The following COL28A1 variants were observed in gnomAD, a reference collection of about 807,000 sequenced individuals.
COL28A1 encodes collagen alpha-1(XXVIII) chain.
COL28A1 carries 161 observed loss-of-function variants against 150.2 expected under a neutral mutation model. That is an observed-to-expected ratio of 1.07 (90% CI 0.94 to 1.22). The LOEUF (loss-of-function observed/expected upper bound fraction) is 1.22, where lower values mean the gene tolerates loss of function less well. Among genes scored for constraint, COL28A1 ranks in the 50% most tolerant of loss-of-function variants. COL28A1 has a pLI of 0.00. For synonymous variants in COL28A1, 552 were observed against 469.7 expected (o/e 1.18, Z -2.26); for missense variants, 1,617 against 1,388.3 (o/e 1.16, Z -2.62).
At chr7:7,342,273 T>C in the COL28A1 span, among the ~76,000 whole-genome samples, 1 of 152,106 alleles carries the variant, frequency 6.6e-6, no homozygotes, top group Non-Finnish European at 1.5e-5. Flanking sequence ...ATTTGGTTCG[T>C]ATTAGCATGT....
intron 24 of COL28A1, 23 bp downstream of exon 24, chr7:7,432,609 G>T: frequency 6.2e-7 from 1 of 1,613,102 alleles, no homozygotes; most frequent in Non-Finnish European, 8.5e-7. Context: ...AGGAGGGAGG[G>T]AAGAAAAAAA....
intron 32 of COL28A1, among the ~76,000 whole-genome samples, chr7:7,372,398 A>AAAATAAAT (rs3067784): frequency 0.085 from 11,352 of 133,574 alleles, 569 homozygotes; most frequent in Non-Finnish European, 0.1. Flanking sequence ...ACTCCGTCTC[A>AAAATAAAT]AAATAAATAA....
At chr7:7,404,620 T>A (rs1300846587) in intron 27 of COL28A1, among the ~76,000 whole-genome samples, 1 of 152,064 alleles carries the variant, frequency 6.6e-6, no homozygotes, top group Non-Finnish European at 1.5e-5. Context: ...CCTCCTCCGG[T>A]CTCTGCTCAG....
chr7:7,539,165 T>C (rs1782743503), upstream of COL28A1, among the ~76,000 whole-genome samples: 1 of 152,188 alleles, frequency 6.6e-6, no homozygotes, highest in Non-Finnish European at 1.5e-5. Context: ...TATAAAGGAA[T>C]ACCTAAGGCT....
At chr7:7,438,859 G>C (rs908455532) in intron 21 of COL28A1, among the ~76,000 whole-genome samples, 1 of 152,086 alleles carries the variant, frequency 6.6e-6, no homozygotes, top group Non-Finnish European at 1.5e-5. Context: ...AGCTATGAAC[G>C]GCTTTCACAT....
At chr7:7,406,515 A>C (rs1783500345) in intron 27 of COL28A1, among the ~76,000 whole-genome samples, 1 of 152,202 alleles carries the variant, frequency 6.6e-6, no homozygotes, top group Admixed American at 6.5e-5. Flanking sequence ...ATCAACAAAG[A>C]AAGAAATATT....
intron 27 of COL28A1, among the ~76,000 whole-genome samples, chr7:7,410,426 G>A (rs142315368): frequency 1.3e-5 from 2 of 152,090 alleles, no homozygotes; most frequent in South Asian, 2.1e-4. Flanking sequence ...ATGTGGTCTC[G>A]ACTCCTCCTT....
rs1188469222 is a variant in COL28A1 at position 7,472,974 on chromosome 7, T to C, written c.1302+1627A>G. On this transcript the variant is annotated intron_variant, in intron 15 of 34. Transcript: ENST00000399429. ...TTCAGCTGGAATAATTGGCAAGCCA[T>C]ATGTAGAAGAATAAAACCGGATCCT... 9.2e-5 allele frequency among the ~76,000 whole-genome samples: 14 copies of C among 152,116 alleles called. No homozygotes were observed. The East Asian group carries it at 2.7e-3, about 29-fold the overall frequency.
intron 5 of COL28A1, among the ~76,000 whole-genome samples, chr7:7,521,472 C>T (rs1408215027): frequency 1.3e-5 from 2 of 152,220 alleles, no homozygotes; most frequent in African/African-American, 2.4e-5. Flanking sequence ...TGAGGCCACA[C>T]GGTGTTGCTG....
chr7:7,513,767 A>G (rs1229220814), intron 8 of COL28A1, among the ~76,000 whole-genome samples: 8 of 152,242 alleles, frequency 5.3e-5, no homozygotes, highest in Non-Finnish European at 1.0e-4. Flanking sequence ...TGTTAGCTAT[A>G]GGGGCCTGAG....
intron 16 of COL28A1, among the ~76,000 whole-genome samples, chr7:7,454,440 G>C (rs1301486844): frequency 1.3e-5 from 2 of 152,134 alleles, no homozygotes; most frequent in African/African-American, 4.8e-5. Context: ...TACAAATAGA[G>C]ATCTCATTTC....
upstream of COL28A1, among the ~76,000 whole-genome samples, chr7:7,538,642 G>T (rs1031217749): frequency 2.6e-5 from 4 of 152,032 alleles, no homozygotes; most frequent in African/African-American, 9.7e-5. Flanking sequence ...CAGTGGTGAT[G>T]ATATTTTGGG....
chr7:7,507,314 A>T (rs879066223), intron 9 of COL28A1, among the ~76,000 whole-genome samples, 153 bp from the exon 10 acceptor site: 1 of 152,224 alleles, frequency 6.6e-6, no homozygotes, highest in South Asian at 2.1e-4. Context: ...ATCCTAATTA[A>T]CAAGCCAAGG....
At chr7:7,438,601 C>G (rs1785521232) in intron 21 of COL28A1, among the ~76,000 whole-genome samples, 1 of 152,186 alleles carries the variant, frequency 6.6e-6, no homozygotes, top group South Asian at 2.1e-4. Context: ...AAATGACCCA[C>G]TGGGATATAA....
chr7:7,342,306 T>C, the COL28A1 span, among the ~76,000 whole-genome samples: 16 of 152,182 alleles, frequency 1.1e-4, no homozygotes, highest in Middle Eastern at 3.4e-3. Context: ...ATATTTTTAT[T>C]TTTACTCTTC....
chr7:7,365,997 T>A (rs1780914601), intron 33 of COL28A1, among the ~76,000 whole-genome samples: 5 of 152,198 alleles, frequency 3.3e-5, no homozygotes. Context: ...GGATTCACTG[T>A]GGCTTTCAAA....
chr7:7,482,567 A>T (rs1779397505), intron 13 of COL28A1, among the ~76,000 whole-genome samples: 1 of 151,778 alleles, frequency 6.6e-6, no homozygotes, highest in Admixed American at 6.6e-5. Context: ...TTTTTTTATA[A>T]TGACATTTTG....
intron 4 of COL28A1, among the ~76,000 whole-genome samples, chr7:7,523,808 G>T (rs891920162): frequency 3.3e-5 from 5 of 152,098 alleles, no homozygotes; most frequent in Non-Finnish European, 5.9e-5. Flanking sequence ...AAGTCAATTG[G>T]CAGGCAGCAG....
Position 7,373,247 on chromosome 7 carries a change from T to G in COL28A1, c.2659A>C (p.Met887Leu). ...ACACCTGGCCTTGCATCTTCAAACA[T>G]GTCGTTGGCTGCTTGCAGAGCAGTG... is the stretch of plus-strand genomic sequence containing the variant. ...TATALQAANDMFEDARPGVKK... is the reference protein window; with the variant it reads ...TATALQAANDLFEDARPGVKK... The change falls in exon 32 of 35, where the codon ATG (methionine) becomes CTG (leucine). Residue 887 changes from methionine to leucine, a missense_variant. By Grantham distance (15) the Met-to-Leu change is conservative. Coordinates refer to ENST00000399429, the MANE Select transcript of COL28A1 (RefSeq NM_001037763.3). The surrounding 1 kb of genome is among the most constrained non-coding windows in gnomAD (Gnocchi z 4.1). The G allele has an allele frequency of 1.9e-6, 3 of 1,614,152 alleles. No individual in the cohort carries two copies. The highest frequency in any genetic ancestry group is 1.7e-6 in the Non-Finnish European group (2 of 1,180,024).
Sources: gnomAD v4.1 joint callset for allele counts (sites outside exome capture counted in the v4.1 genomes callset) on GRCh38, gnomAD v4.1.1 for gene constraint, Gnocchi (gnomAD v3.1) non-coding constraint, MANE v1.5 for transcripts, NCBI Gene and HGNC (gene_info 2026-07-23, HGNC 2026-07-21) for gene names.